VSX2: variants seen among roughly 807,000 people sequenced by gnomAD.
The protein encoded by VSX2 is visual system homeobox 2.
A neutral mutation model predicts 32.1 loss-of-function variants in VSX2; 28 were observed. That is an observed-to-expected ratio of 0.87 (90% CI 0.65 to 1.20). The LOEUF (loss-of-function observed/expected upper bound fraction) is 1.20, where lower values mean the gene tolerates loss of function less well. Ranked by LOEUF, VSX2 falls within the 50% of genes most tolerant of loss-of-function variation. VSX2 has a pLI of 0.00. For synonymous variants in VSX2, 243 were observed against 214.1 expected, an observed-to-expected ratio of 1.14 and a Z score of -1.18; for missense variants, 506 against 488.7, an observed-to-expected ratio of 1.04 and a Z score of -0.33.
intron 3 of VSX2, among the ~76,000 whole-genome samples, chr14:74,250,012 C>T (rs2079218814): frequency 1.3e-5 from 2 of 152,130 alleles, no homozygotes; most frequent in South Asian, 2.1e-4. Context: ...AGCCTAAGGT[C>T]GGAGGGTCAC....
intron 3 of VSX2, among the ~76,000 whole-genome samples, chr14:74,258,875 C>T (rs74061764): frequency 0.025 from 3,850 of 152,270 alleles, 183 homozygotes; most frequent in African/African-American, 0.089. Flanking sequence ...CTCCCATTTG[C>T]TCCTCAACCC....
rs779201262 is a variant in VSX2 at position 74,260,714 on chromosome 14, C to T, written c.881C>T (p.Ala294Val). The change falls in exon 5 of 5, where the codon GCG (alanine) becomes GTG (valine). Residue 294 changes from alanine to valine, a missense_variant. Ala to Val is a moderately conservative substitution (Grantham distance 64). Transcript: ENST00000261980. The stretch of plus-strand genomic sequence containing the variant: ...GACGAGCGGGGCCCCGACGCTCAGG[C>T]GGCCATCTCCCAGGAGGAACTGAGG... ...EQDERGPDAQ[A>V]AISQEELREN... The T allele has an allele frequency of 1.4e-5, 22 of 1,592,900 alleles. No individual in the cohort carries two copies. Among genetic ancestry groups the T allele is most frequent in the African/African-American group, 2.7e-5 (2 of 74,710 alleles).
chr14:74,257,906 G>T (rs1313875910), intron 3 of VSX2, among the ~76,000 whole-genome samples: 1 of 152,154 alleles, frequency 6.6e-6, no homozygotes, highest in Non-Finnish European at 1.5e-5. Flanking sequence ...TCACGCCAGC[G>T]CCAGACGGCA....
intron 2 of VSX2, among the ~76,000 whole-genome samples, chr14:74,244,906 GTGTGTGTGTGTGTGTGTGTGTGTGAA>G: frequency 1.7e-5 from 2 of 117,704 alleles, no homozygotes; most frequent in African/African-American, 6.5e-5. Flanking sequence ...GTGTGTGTGT[GTGTGTGTGTGTGTGTGTGTGTGTGAA>G]AGAGAGAGAG....
chr14:74,241,313 G>T, intron 2 of VSX2, 47 bp downstream of exon 2: 2 of 1,585,532 alleles, frequency 1.3e-6, no homozygotes. Flanking sequence ...GCACCCCGCT[G>T]CCGTCCCCCG....
intron 3 of VSX2, among the ~76,000 whole-genome samples, chr14:74,254,396 C>G (rs1402517840): frequency 6.6e-6 from 1 of 150,474 alleles, no homozygotes; most frequent in African/African-American, 2.5e-5. Flanking sequence ...GGGCGACAGA[C>G]AGAGCGAGAC....
rs1436176298 is a variant in VSX2 at position 74,239,837 on chromosome 14, C to A, written c.276C>A (p.Thr92=). The A allele has an allele frequency of 6.3e-7, 1 of 1,577,872 alleles. No individual in the cohort carries two copies. The highest frequency in any genetic ancestry group is 8.6e-7 in the Non-Finnish European group (1 of 1,163,344). ...GGLPGFYTQP[T]FLEVLSDPQS... ...TCCCTGGCTTCTACACGCAGCCCACCTTCCTGGAAGTGCTGTCCGACCCGC... is the reference window on the plus strand; with the variant it reads ...TCCCTGGCTTCTACACGCAGCCCACATTCCTGGAAGTGCTGTCCGACCCGC... The change falls in exon 1 of 5, where the codon ACC becomes ACA. Residue 92 remains threonine, a synonymous_variant. Transcript: ENST00000261980.
At chr14:74,255,929 A>G (rs1051401371) in intron 3 of VSX2, among the ~76,000 whole-genome samples, 5 of 152,256 alleles carry the variant, frequency 3.3e-5, no homozygotes, top group African/African-American at 1.2e-4. Flanking sequence ...GAACATGTAC[A>G]TAAATGCTTT....
chr14:74,257,709 A>ACCCCCCCCCCCCCCTC (rs33974776), intron 3 of VSX2, among the ~76,000 whole-genome samples: 2 of 134,046 alleles, frequency 1.5e-5, no homozygotes, highest in Non-Finnish European at 3.2e-5. Flanking sequence ...CGCGCGGACC[A>ACCCCCCCCCCCCCCTC]CCCCCCACCC....
intron 3 of VSX2, among the ~76,000 whole-genome samples, chr14:74,248,418 G>C (rs2079208537): frequency 6.6e-6 from 1 of 151,798 alleles, no homozygotes; most frequent in African/African-American, 2.4e-5. Flanking sequence ...CAGGTGCAGG[G>C]GCTCATGCCG....
At chr14:74,241,677 C>G (rs1437410595) in intron 2 of VSX2, among the ~76,000 whole-genome samples, 3 of 152,222 alleles carry the variant, frequency 2.0e-5, no homozygotes, top group Non-Finnish European at 2.9e-5. Context: ...ACCGCCGCCC[C>G]CATTTCTCTC....
intron 3 of VSX2, among the ~76,000 whole-genome samples, chr14:74,258,234 A>C (rs1044860360): frequency 8.5e-5 from 13 of 152,294 alleles, no homozygotes; most frequent in African/African-American, 2.4e-4. Context: ...CAGCCGCTTT[A>C]ATTTCCCGTG....
At chr14:74,254,679 T>G (rs1288104775) in intron 3 of VSX2, among the ~76,000 whole-genome samples, 1 of 152,178 alleles carries the variant, frequency 6.6e-6, no homozygotes, top group African/African-American at 2.4e-5. Context: ...TTATTTTCAG[T>G]GTCTCTACCG....
intron 3 of VSX2, among the ~76,000 whole-genome samples, chr14:74,250,937 G>A (rs1166537591): frequency 6.6e-6 from 1 of 150,570 alleles, no homozygotes; most frequent in Non-Finnish European, 1.5e-5. Flanking sequence ...GTGAGCCACC[G>A]CGCCAAACCC....
chr14:74,239,820 T>G lies in VSX2; in HGVS notation c.259T>G (p.Phe87Val), dbSNP rs1483177280. The G allele has an allele frequency of 3.2e-6, 5 of 1,574,202 alleles. No individual in the cohort carries two copies. The highest frequency in any genetic ancestry group is 1.2e-5 in the South Asian group (1 of 85,884). Residue 87 changes from phenylalanine to valine, a missense_variant, in exon 1 of 5, where the codon TTC (phenylalanine) becomes GTC (valine). By Grantham distance (50) the Phe-to-Val change is conservative. Transcript: ENST00000261980. ...TCTGGGGCCCGGGGGGCTCCCTGGC[T>G]TCTACACGCAGCCCACCTTCCTGGA... Reference protein sequence around the residue: ...GLLGPGGLPGFYTQPTFLEVL... With the variant: ...GLLGPGGLPGVYTQPTFLEVL...
intron 3 of VSX2, among the ~76,000 whole-genome samples, chr14:74,253,278 A>C (rs1478613795): frequency 6.6e-6 from 1 of 152,134 alleles, no homozygotes; most frequent in Admixed American, 6.5e-5. Flanking sequence ...CCCATGTGAG[A>C]GGAGCAGTCT....
chr14:74,240,076 G>A lies in VSX2; in HGVS notation c.370+145G>A, dbSNP rs2079139454. On this transcript the variant is annotated intron_variant, in intron 1 of 4. Coordinates refer to ENST00000261980, the MANE Select transcript of VSX2 (RefSeq NM_182894.3). ...GTCGCCGCCTGGGCCTTGGGCCGAC[G>A]CGCCTGGTGATGGGGCCCGGGAGGA... 4 of 1,121,618 alleles carry A rather than the reference G, an allele frequency of 3.6e-6. No individual in the cohort carries two copies. In the East Asian group the frequency reaches 1.1e-4, roughly 30 times the overall value. The allele number at this position is 1,121,618 out of a possible 1,614,324, so 69.5% of individuals were successfully genotyped here.
intron 2 of VSX2, 118 bp from the exon 3 acceptor site, chr14:74,245,047 C>A: frequency 3.1e-6 from 4 of 1,294,998 alleles, no homozygotes; most frequent in Non-Finnish European, 2.2e-6. Flanking sequence ...TCCTATTGTG[C>A]TGAGCCAGCC....
intron 2 of VSX2, among the ~76,000 whole-genome samples, chr14:74,241,558 G>GCC (rs2079150367): frequency 6.6e-6 from 1 of 152,212 alleles, no homozygotes; most frequent in Non-Finnish European, 1.5e-5. Context: ...ACAGAGTGGG[G>GCC]GCGGTCCCCA....
Sources: allele counts gnomAD v4.1 joint callset (sites outside exome capture counted in the v4.1 genomes callset), GRCh38; gene constraint gnomAD v4.1.1; transcripts MANE v1.5; gene names NCBI Gene and HGNC (gene_info 2026-07-23, HGNC 2026-07-21).